Variants in BRI3BP observed in about 807,000 individuals in gnomAD.
BRI3BP encodes the protein BRI3 binding protein, also known as BRI3-binding protein.
BRI3BP carries 7 observed loss-of-function variants against 15.8 expected under a neutral mutation model. That is an observed-to-expected ratio of 0.44 (90% confidence interval 0.25 to 0.83). The LOEUF is 0.83. BRI3BP is among the 40% of genes least tolerant of loss of function. The pLI is 0.20. For missense variants in BRI3BP, 320 were observed against 339.3 expected (o/e 0.94, Z 0.45); for synonymous variants, 192 against 163.5 (o/e 1.17, Z -1.33).
In BRI3BP at chr12:125,027,914, C is replaced by T. The variant is rs971882453; in HGVS notation, c.*2484C>T. 1.3e-5 allele frequency: 2 copies of T among 152,118 alleles called. No homozygotes were observed. The highest frequency in any genetic ancestry group is 2.9e-5 in the Non-Finnish European group (2 of 68,046). 9.4% of individuals were successfully genotyped at this position (152,118 alleles called of 1,614,324 possible). On this transcript the variant is annotated 3_prime_UTR_variant, in exon 3 of 3. Transcript: ENST00000341446. ...GTGTTAGCCAGGATGGTCTCGATCT[C>T]CTGACCTCGTGATCCGCCCGCCTCG...
At chr12:125,000,071 CT>C (rs35258984) in intron 1 of BRI3BP, among the ~76,000 whole-genome samples, 1,175 of 39,370 alleles carry the variant, frequency 0.03, 21 homozygotes, top group East Asian at 0.1. Flanking sequence ...TTTGTTTTTG[CT>C]TTTTTTTTTT....
intron 2 of BRI3BP, among the ~76,000 whole-genome samples, chr12:125,016,825 C>CGTTTT (rs1470443683): frequency 7.5e-5 from 3 of 39,778 alleles, no homozygotes; most frequent in African/African-American, 2.0e-4. Flanking sequence ...TGCGCCCAGC[C>CGTTTT]TTTTTTTTTT....
downstream of BRI3BP, among the ~76,000 whole-genome samples, chr12:125,034,033 C>CGCGCCCGGCCCT (rs1955425313): frequency 7.7e-6 from 1 of 130,176 alleles, no homozygotes; most frequent in Non-Finnish European, 1.6e-5. Context: ...CGTGAGCCAC[C>CGCGCCCGGCCCT]ACCCAGGCTG....
At chr12:125,037,397 G>A in the BRI3BP span, among the ~76,000 whole-genome samples, 3 of 152,058 alleles carry the variant, frequency 2.0e-5, no homozygotes, top group African/African-American at 7.2e-5. Flanking sequence ...ATCACCCCCA[G>A]ATAGCAGATT....
At chr12:125,010,745 C>G (rs1955189684) in intron 1 of BRI3BP, among the ~76,000 whole-genome samples, 3 of 151,870 alleles carry the variant, frequency 2.0e-5, no homozygotes, top group Admixed American at 2.0e-4. Context: ...CACTTGCACT[C>G]CAGCCTGGCG....
chr12:125,047,752 A>G, the BRI3BP span, among the ~76,000 whole-genome samples: 113 of 152,158 alleles, frequency 7.4e-4, no homozygotes, highest in African/African-American at 2.5e-3. Flanking sequence ...GCTGCGGTGC[A>G]GTGGCGCAAT....
the BRI3BP span, among the ~76,000 whole-genome samples, chr12:125,050,500 C>T: frequency 6.6e-6 from 1 of 152,234 alleles, no homozygotes; most frequent in African/African-American, 2.4e-5. Context: ...ACAATATCGA[C>T]TTACAGTATA....
At position 125,026,814 on chromosome 12, in the gene BRI3BP, A is replaced by T. The variant is rs1473456563; in HGVS notation, c.*1384A>T. The T allele has an allele frequency of 2.0e-5, 3 of 152,102 alleles. No homozygotes were observed. Among genetic ancestry groups the T allele is most frequent in the Non-Finnish European group, 4.4e-5 (3 of 68,108 alleles). The allele number at this position is 152,102 out of a possible 1,614,324, so 9.4% of individuals were successfully genotyped here. ...CTAAAAATACAAAAATTAGTCAGGC[A>T]TGGTGGTGGGTGCCTGTAGTCCAGC... On this transcript the variant is annotated 3_prime_UTR_variant, in exon 3 of 3. Transcript: ENST00000341446.
intron 2 of BRI3BP, among the ~76,000 whole-genome samples, chr12:125,023,522 C>T (rs1367434682): frequency 1.3e-5 from 2 of 152,102 alleles, no homozygotes; most frequent in Admixed American, 6.6e-5. Context: ...CAGGCTATGC[C>T]CCACTTCCAG....
In BRI3BP at chr12:125,027,063, G is replaced by A. The variant is rs1955361672; in HGVS notation, c.*1633G>A. 2 of 152,052 alleles carry A rather than the reference G, an allele frequency of 1.3e-5. No individual in the cohort carries two copies. The allele number at this position is 152,052 out of a possible 1,614,324, so 9.4% of individuals were successfully genotyped here. ...TGTACCCTGGCAACCCGCTCACAGT[G>A]CCCTGCGTGCAGGTTTATAGATAAC... On this transcript the variant is annotated 3_prime_UTR_variant, in exon 3 of 3. Transcript: ENST00000341446.
intron 1 of BRI3BP, among the ~76,000 whole-genome samples, chr12:124,997,272 A>G (rs1030285407): frequency 8.3e-6 from 1 of 120,784 alleles, no homozygotes; most frequent in Non-Finnish European, 1.6e-5. Context: ...CTGGAGTGCA[A>G]TGGCGAGCTC....
At chr12:125,013,807 G>C (rs1955216836) in intron 2 of BRI3BP, among the ~76,000 whole-genome samples, 1 of 152,190 alleles carries the variant, frequency 6.6e-6, no homozygotes. Flanking sequence ...ATCAGGAAGA[G>C]AACATTGGTG....
chr12:124,994,270 A>T (rs1955021912), intron 1 of BRI3BP, among the ~76,000 whole-genome samples: 3 of 151,850 alleles, frequency 2.0e-5, no homozygotes. Flanking sequence ...GCGCAGCCAG[A>T]GTCTCTCCCG....
intron 1 of BRI3BP, 25 bp downstream of exon 1, chr12:124,994,028 G>C (rs1955018839): frequency 1.5e-6 from 2 of 1,301,476 alleles, no homozygotes; most frequent in South Asian, 3.8e-5. Flanking sequence ...CGCGCCCGCG[G>C]TCACCTTGCC....
At chr12:125,004,139 A>G (rs1418673369) in intron 1 of BRI3BP, among the ~76,000 whole-genome samples, 5 of 152,158 alleles carry the variant, frequency 3.3e-5, no homozygotes, top group African/African-American at 1.2e-4. Flanking sequence ...CTACACATGA[A>G]GTGTCTTTTA....
downstream of BRI3BP, among the ~76,000 whole-genome samples, chr12:125,035,281 A>G (rs1955434714): frequency 6.6e-6 from 1 of 152,038 alleles, no homozygotes; most frequent in Admixed American, 6.6e-5. Context: ...TGGTTGTAGC[A>G]TTTTACATTC....
At chr12:125,011,939 C>T (rs1285248286) in intron 1 of BRI3BP, among the ~76,000 whole-genome samples, 1 of 152,090 alleles carries the variant, frequency 6.6e-6, no homozygotes. Flanking sequence ...GCCTATAATC[C>T]CAGGACTTTG....
rs1353741717 is a variant in BRI3BP, at chr12:125,025,052, C to T, written c.378C>T (p.Leu126=). The change falls in exon 3 of 3, where the codon CTC becomes CTT. Residue 126 remains leucine, a synonymous_variant. Coordinates refer to ENST00000341446, the MANE Select transcript of BRI3BP (RefSeq NM_080626.6). The stretch of plus-strand genomic sequence containing the variant: ...TGTCCAGCAGCCCGGCCCGCGCGCT[C>T]CTGCTGGTCGGCGTCGTCCTCCTGG... ...ASVSSSPARA[L]LLVGVVLLAY... is the part of the protein sequence containing the mutation. The T allele has an allele frequency of 1.9e-6, 3 of 1,613,550 alleles. No individual in the cohort carries two copies. The highest frequency in any genetic ancestry group is 1.1e-5 in the South Asian group (1 of 91,084).
At chr12:125,015,866 G>T (rs572628370) in intron 2 of BRI3BP, among the ~76,000 whole-genome samples, 1 of 152,340 alleles carries the variant, frequency 6.6e-6, no homozygotes, top group African/African-American at 2.4e-5. Flanking sequence ...GGACTTGGCA[G>T]AGTTAACGCA....
Sources: gnomAD v4.1 joint callset for allele counts (sites outside exome capture counted in the v4.1 genomes callset) on GRCh38, gnomAD v4.1.1 for gene constraint, MANE v1.5 for transcripts, NCBI Gene and HGNC (gene_info 2026-07-23, HGNC 2026-07-21) for gene names.